DOC2A: variants seen among roughly 807,000 people sequenced by gnomAD.
The protein encoded by DOC2A is double C2-like domain-containing protein alpha.
A neutral mutation model predicts 40.6 loss-of-function variants in DOC2A; 28 were observed. The ratio of observed to expected loss-of-function variants is 0.69; its 90% CI spans 0.51 to 0.95. The LOEUF is 0.95. Ranked by LOEUF, DOC2A falls within the 40% of genes least tolerant of loss-of-function variation. The probability of loss-of-function intolerance (pLI) is 0.00; values close to 1 mark genes in which losing one functional copy is unlikely to be tolerated. For synonymous variants in DOC2A, 241 were observed against 236.9 expected, an observed-to-expected ratio of 1.02 and a Z score of -0.16; for missense variants, 474 against 552.5, an observed-to-expected ratio of 0.86 and a Z score of 1.42.
At chr16:30,020,114 G>A (rs181329825) in intron 1 of DOC2A, among the ~76,000 whole-genome samples, 1 of 152,202 alleles carries the variant, frequency 6.6e-6, no homozygotes, top group East Asian at 1.9e-4. Context: ...TCACCATATT[G>A]GTCAGGCTGG....
At chr16:30,022,800 G>T (rs147396920), upstream of DOC2A, among the ~76,000 whole-genome samples, 610 of 152,234 alleles carry the variant, frequency 4.0e-3, 6 homozygotes, top group African/African-American at 0.014. Context: ...GCCGGGTGTG[G>T]TGGCAGACAG....
At chr16:30,015,149 A>G (rs961558728), upstream of DOC2A, 13 of 152,224 alleles carry the variant, frequency 8.5e-5, no homozygotes, top group African/African-American at 3.1e-4. Context: ...AAATACACAG[A>G]AGAAAATATA....
intron 5 of DOC2A, 168 bp from the exon 6 acceptor site, chr16:30,007,467 C>G (rs1731272792): frequency 2.3e-6 from 2 of 870,254 alleles, no homozygotes. Flanking sequence ...CTGTCCCTCC[C>G]TCTGCAGCCA....
chr16:30,005,691 TG>T lies in DOC2A; in HGVS notation c.*494del. The T allele has an allele frequency of 1.8e-6, 1 of 547,406 alleles. No individual in the cohort carries two copies. The allele number at this position is 547,406 out of a possible 1,614,324, so 33.9% of individuals were successfully genotyped here. On this transcript the variant is annotated 3_prime_UTR_variant, in exon 11 of 11. Transcript: ENST00000350119. ...GTGGCCGGGAGCATCTGCCACCTGC[TG>T]GGGAGGCAGAGACCCTGCAATGGCC...
At chr16:30,017,962 G>GAA (rs113271952) in intron 1 of DOC2A, among the ~76,000 whole-genome samples, 14 of 92,702 alleles carry the variant, frequency 1.5e-4, no homozygotes, top group South Asian at 1.2e-3. Flanking sequence ...TCTGTCTCCG[G>GAA]AAAAAAAAAA....
Position 30,006,465 on chromosome 16 carries a change from G to A in DOC2A, c.1005C>T (p.Thr335=), listed in dbSNP as rs1404214132. 12 of 1,613,746 alleles carry A rather than the reference G, an allele frequency of 7.4e-6. No homozygotes were observed. Among genetic ancestry groups the A allele is most frequent in the South Asian group, 1.1e-5 (1 of 91,050 alleles). Residue 335 remains threonine (T), a synonymous_variant, in exon 10 of 11, where the codon ACC becomes ACT. Coordinates refer to ENST00000350119, the MANE Select transcript of DOC2A (RefSeq NM_003586.3). The surrounding 1 kb of genome is among the most constrained non-coding windows in gnomAD (Gnocchi z 6.2). ...EIELSTLATK[T]LEVTVWDYDI... ...CATAGTCCCAGACGGTGACTTCCAGGGTCTTGGTGGCCAGAGTGGAGAGCT... is the reference window on the plus strand; with the variant it reads ...CATAGTCCCAGACGGTGACTTCCAGAGTCTTGGTGGCCAGAGTGGAGAGCT...
chr16:30,016,661 T>G (rs114444264), upstream of DOC2A, among the ~76,000 whole-genome samples: 827 of 152,372 alleles, frequency 5.4e-3, 6 homozygotes, highest in African/African-American at 0.019. Flanking sequence ...AGGAAAATGA[T>G]GGACAGTGCT....
At chr16:30,018,438 G>A (rs1022249388) in intron 1 of DOC2A, among the ~76,000 whole-genome samples, 2 of 151,962 alleles carry the variant, frequency 1.3e-5, no homozygotes, top group African/African-American at 2.4e-5. Flanking sequence ...CTCCCACCTC[G>A]GCTTCCCAAA....
chr16:30,010,659 A>C lies in DOC2A; in HGVS notation c.-14+244T>G. Reference sequence around the variant, plus strand: ...CGCTGGTCTAGTCAGGGTGTCACCCACCCCTCTAGGCTCCAACTGCCCACT... The same window carrying C: ...CGCTGGTCTAGTCAGGGTGTCACCCCCCCCTCTAGGCTCCAACTGCCCACT... On this transcript the variant is annotated intron_variant, in intron 1 of 10. Coordinates refer to ENST00000350119, the MANE Select transcript of DOC2A (RefSeq NM_003586.3). The surrounding 1 kb of genome is among the most constrained non-coding windows in gnomAD (Gnocchi z 4.2). The C allele has an allele frequency of 4.0e-6, 1 of 247,866 alleles. No individual in the cohort carries two copies. Among genetic ancestry groups the C allele is most frequent in the Non-Finnish European group, 7.9e-6 (1 of 126,162 alleles). The allele number at this position is 247,866 out of a possible 1,614,324, so 15.4% of individuals were successfully genotyped here.
chr16:30,013,246 T>C (rs569565625), upstream of DOC2A, among the ~76,000 whole-genome samples: 14 of 146,984 alleles, frequency 9.5e-5, no homozygotes, highest in South Asian at 2.6e-3. Flanking sequence ...GGTGGGAGGA[T>C]CTCTCTTCTT....
At chr16:30,018,119 A>C (rs1416246398) in intron 1 of DOC2A, among the ~76,000 whole-genome samples, 2 of 149,952 alleles carry the variant, frequency 1.3e-5, no homozygotes, top group East Asian at 1.9e-4. Flanking sequence ...AAAAAAAAAA[A>C]AAAAAAAAAA....
At position 30,010,380 on chromosome 16, in the gene DOC2A, G is replaced by C; in HGVS notation, c.-13-145C>G. ...AGAGGGTGGTGTGTGCCAGCCGGTG[G>C]CAGGTGGGAGGCCTGGGCCCTGCAG... On this transcript the variant is annotated intron_variant, in intron 1 of 10. Coordinates refer to ENST00000350119, the MANE Select transcript of DOC2A (RefSeq NM_003586.3). The surrounding 1 kb of genome is among the most constrained non-coding windows in gnomAD (Gnocchi z 4.2). The C allele has an allele frequency of 8.7e-7, 1 of 1,143,746 alleles. No individual in the cohort carries two copies. The highest frequency in any genetic ancestry group is 1.3e-6 in the Non-Finnish European group (1 of 784,484). 70.8% of individuals were successfully genotyped at this position (1,143,746 alleles called of 1,614,324 possible).
chr16:30,021,876 C>A (rs563857676), upstream of DOC2A, among the ~76,000 whole-genome samples: 9 of 151,980 alleles, frequency 5.9e-5, no homozygotes, highest in Non-Finnish European at 1.3e-4. Context: ...AGGAACCCCC[C>A]CCCCAGGAAG....
rs572314502 is a variant in DOC2A, at chr16:30,010,722, G to A, written c.-14+181C>T. On this transcript the variant is annotated intron_variant, in intron 1 of 10. Coordinates refer to ENST00000350119, the MANE Select transcript of DOC2A (RefSeq NM_003586.3). The surrounding 1 kb of genome is among the most constrained non-coding windows in gnomAD (Gnocchi z 4.2). ...AGCCCCAGGACCTGTCTGCCTGCCT[G>A]GTTCCCCCGCTCGCTCACCACAGCC... Among the ~76,000 whole-genome samples the A allele has an allele frequency of 3.3e-5, 5 of 152,240 alleles. No individual in the cohort carries two copies. The highest frequency in any genetic ancestry group is 7.4e-5 in the Non-Finnish European group (5 of 68,008).
chr16:30,021,339 A>T (rs1232595831), upstream of DOC2A: 1 of 152,174 alleles, frequency 6.6e-6, no homozygotes, highest in Non-Finnish European at 1.5e-5. Flanking sequence ...CTTGGGTGGG[A>T]TGGAACATGC....
At chr16:30,017,278 C>CAA (rs34047589), upstream of DOC2A, among the ~76,000 whole-genome samples, 2 of 125,018 alleles carry the variant, frequency 1.6e-5, no homozygotes, top group Non-Finnish European at 1.7e-5. Flanking sequence ...GACCCTGTCT[C>CAA]AAAAAAAAAA....
At chr16:30,014,004 C>T (rs1015637332), upstream of DOC2A, among the ~76,000 whole-genome samples, 1 of 151,600 alleles carries the variant, frequency 6.6e-6, no homozygotes, top group East Asian at 2.0e-4. Context: ...TGTGAGCCAC[C>T]GCGCCTGGCC....
At chr16:30,013,493 C>G (rs2070818119), upstream of DOC2A, 1 of 149,748 alleles carries the variant, frequency 6.7e-6, no homozygotes, top group Non-Finnish European at 1.5e-5. Flanking sequence ...GTCTCGATCT[C>G]CTGACCTCGT....
chr16:30,016,043 ATATATATATATATTTTTTT>A (rs1273313203), upstream of DOC2A, among the ~76,000 whole-genome samples: 22 of 22,704 alleles, frequency 9.7e-4, no homozygotes, highest in East Asian at 3.4e-3. Flanking sequence ...ATATATATAT[ATATATATATATATTTTTTT>A]TTTTTTTTTT....
Sources: allele counts gnomAD v4.1 joint callset (sites outside exome capture counted in the v4.1 genomes callset), GRCh38; gene constraint gnomAD v4.1.1; non-coding constraint Gnocchi (gnomAD v3.1); transcripts MANE v1.5; gene names NCBI Gene and HGNC (gene_info 2026-07-23, HGNC 2026-07-21).